ZNF423: variants seen among roughly 807,000 people sequenced by gnomAD.
ZNF423 encodes the protein Ebf-associated zinc finger protein.
ZNF423 carries 12 observed loss-of-function variants against 95.8 expected under a neutral mutation model. The ratio of observed to expected loss-of-function variants is 0.13; its 90% CI spans 0.08 to 0.20. ZNF423 has a LOEUF of 0.20. Ranked by LOEUF, ZNF423 falls within the 10% of genes least tolerant of loss-of-function variation. The probability of loss-of-function intolerance (pLI) is 1.00; values close to 1 mark genes in which losing one functional copy is unlikely to be tolerated. For synonymous variants in ZNF423, 749 were observed against 711.9 expected, an observed-to-expected ratio of 1.05 and a Z score of -0.83; for missense variants, 1,316 against 1,737.1, an observed-to-expected ratio of 0.76 and a Z score of 4.31.
intron 1 of ZNF423, among the ~76,000 whole-genome samples, chr16:49,803,898 G>A (rs974618176): frequency 1.3e-5 from 2 of 151,438 alleles, no homozygotes; most frequent in Admixed American, 1.3e-4. Flanking sequence ...AGCAGACTCA[G>A]GGGTGGGGAA....
chr16:49,789,276 G>A (rs2034370120), intron 2 of ZNF423, among the ~76,000 whole-genome samples: 1 of 152,206 alleles, frequency 6.6e-6, no homozygotes, highest in Non-Finnish European at 1.5e-5. Context: ...TGGCCCTCGG[G>A]AGAATAAGGG....
intron 5 of ZNF423, among the ~76,000 whole-genome samples, chr16:49,620,613 T>C (rs1458431377): frequency 1.3e-5 from 2 of 152,098 alleles, no homozygotes; most frequent in Admixed American, 6.5e-5. Context: ...CCTGACAAGA[T>C]TCCCTGAGGA....
At chr16:49,586,718 C>A (rs16947659) in intron 5 of ZNF423, among the ~76,000 whole-genome samples, 15,385 of 152,306 alleles carry the variant, frequency 0.1, 942 homozygotes, top group Middle Eastern at 0.27. Context: ...TGCCTCGCTG[C>A]AGGACTGTTC....
chr16:49,670,189 G>T (rs1223203879), intron 3 of ZNF423, among the ~76,000 whole-genome samples: 1 of 152,202 alleles, frequency 6.6e-6, no homozygotes, highest in East Asian at 1.9e-4. Context: ...ATTGGAAGGG[G>T]AAAGCAGACA....
chr16:49,722,292 G>A (rs1426415051), intron 3 of ZNF423, among the ~76,000 whole-genome samples: 2 of 152,170 alleles, frequency 1.3e-5, no homozygotes, highest in African/African-American at 4.8e-5. Flanking sequence ...CCTCCCAAGT[G>A]GAAGCCTGCT....
intron 2 of ZNF423, among the ~76,000 whole-genome samples, chr16:49,789,029 A>G (rs12934314): frequency 0.35 from 53,409 of 152,072 alleles, 9,565 homozygotes; most frequent in African/African-American, 0.44. Context: ...AGCTCCCTCT[A>G]TTACCTCTCC....
At chr16:49,697,293 G>C (rs1031718741) in intron 3 of ZNF423, among the ~76,000 whole-genome samples, 1 of 152,128 alleles carries the variant, frequency 6.6e-6, no homozygotes, top group Non-Finnish European at 1.5e-5. Flanking sequence ...GAGCAGAGCA[G>C]CTCCCAGAAA....
chr16:49,722,158 C>A (rs2032884258), intron 3 of ZNF423, among the ~76,000 whole-genome samples: 1 of 152,168 alleles, frequency 6.6e-6, no homozygotes, highest in African/African-American at 2.4e-5. Flanking sequence ...CCAGCTTACT[C>A]CGGATGGTTC....
intron 1 of ZNF423, among the ~76,000 whole-genome samples, chr16:49,807,299 C>T (rs1204038390): frequency 2.6e-5 from 4 of 151,574 alleles, no homozygotes; most frequent in South Asian, 2.1e-4. Context: ...GGCGTGGTGG[C>T]GGGCACCTGT....
chr16:49,574,208 A>ACC (rs199705661), intron 5 of ZNF423, among the ~76,000 whole-genome samples: 86 of 152,192 alleles, frequency 5.7e-4, no homozygotes, highest in African/African-American at 1.7e-3. Context: ...ACATAGTGGG[A>ACC]CCCGCTGTCT....
At chr16:49,503,416 T>C (rs1363774049) in intron 7 of ZNF423, among the ~76,000 whole-genome samples, 2 of 152,146 alleles carry the variant, frequency 1.3e-5, no homozygotes, top group African/African-American at 2.4e-5. Flanking sequence ...TGGCCCTCCA[T>C]GGTCTGGTTC....
rs370866383 is a variant in ZNF423 at position 49,637,694 on chromosome 16, G to A, written c.1482C>T (p.Pro494=). ...GGCTATTGATGTCGGCGAACATCTC[G>A]GGGCAGTAGTTGCAGTGGAAGGCAG... is the stretch of plus-strand genomic sequence containing the variant. ...NISAFHCNYC[P]EMFADINSLQ... The change falls in exon 4 of 8, where the codon CCC becomes CCT. Residue 494 remains proline, a synonymous_variant. Coordinates refer to ENST00000563137, the MANE Select transcript of ZNF423 (RefSeq NM_001379286.1). This position sits in a 1 kb window ranked among gnomAD's most constrained non-coding sequence, Gnocchi z 5.6. 8.1e-6 allele frequency: 13 copies of A among 1,614,026 alleles called. No individual in the cohort carries two copies. Among genetic ancestry groups the A allele is most frequent in the African/African-American group, 2.7e-5 (2 of 74,938 alleles).
chr16:49,725,849 C>A (rs2032998915), intron 3 of ZNF423, among the ~76,000 whole-genome samples: 1 of 152,214 alleles, frequency 6.6e-6, no homozygotes, highest in South Asian at 2.1e-4. Context: ...ACCCCATCTG[C>A]TTCAGAGCCA....
intron 5 of ZNF423, among the ~76,000 whole-genome samples, chr16:49,608,008 C>T (rs999289281): frequency 6.6e-6 from 1 of 152,194 alleles, no homozygotes; most frequent in African/African-American, 2.4e-5. Flanking sequence ...ATCATTCTAC[C>T]ACCCCATATC....
chr16:49,837,037 T>C (rs1219413288), intron 1 of ZNF423, among the ~76,000 whole-genome samples: 3 of 152,070 alleles, frequency 2.0e-5, no homozygotes, highest in Non-Finnish European at 2.9e-5. Context: ...CCGGGACACA[T>C]TGGAGCAACT....
intron 3 of ZNF423, among the ~76,000 whole-genome samples, chr16:49,649,984 T>C (rs1188371532): frequency 6.6e-6 from 1 of 152,252 alleles, no homozygotes; most frequent in Non-Finnish European, 1.5e-5. Context: ...GAATGGGATC[T>C]CATCATCCCC....
intron 2 of ZNF423, among the ~76,000 whole-genome samples, chr16:49,744,449 A>G (rs2033479941): frequency 6.6e-6 from 1 of 151,280 alleles, no homozygotes. Flanking sequence ...CAGGCCGAGC[A>G]CACACATGGC....
chr16:49,525,394 G>T lies in ZNF423; in HGVS notation c.3702C>A (p.Gly1234=), dbSNP rs766215720. The part of the protein sequence containing the change: ...HLIEHSFEGM[G]GTFKCPVCFT... ...AACACACGGGGCATTTGAAGGTGCC[G>T]CCCATGCCCTCGAAGCTGTGCTCAA... The change falls in exon 6 of 8, where the codon GGC becomes GGA. Residue 1234 remains glycine, a synonymous_variant. Transcript: ENST00000563137. The T allele has an allele frequency of 1.2e-6, 2 of 1,614,014 alleles. No homozygotes were observed. The highest frequency in any genetic ancestry group is 1.7e-6 in the Non-Finnish European group (2 of 1,179,954).
intron 5 of ZNF423, among the ~76,000 whole-genome samples, chr16:49,566,791 C>T (rs1053561899): frequency 5.9e-5 from 9 of 152,056 alleles, no homozygotes; most frequent in African/African-American, 2.2e-4. Flanking sequence ...GTGGCAGCCT[C>T]GAGCTTCACC....
Sources: allele counts gnomAD v4.1 joint callset (sites outside exome capture counted in the v4.1 genomes callset), GRCh38; gene constraint gnomAD v4.1.1; non-coding constraint Gnocchi (gnomAD v3.1); transcripts MANE v1.5; gene names NCBI Gene and HGNC (gene_info 2026-07-23, HGNC 2026-07-21).